The following TNRC6B variants were observed in gnomAD, a reference collection of about 807,000 sequenced individuals.
TNRC6B encodes trinucleotide repeat containing adaptor 6B.
A neutral mutation model predicts 203.6 loss-of-function variants in TNRC6B; 52 were observed. That is an observed-to-expected ratio of 0.26 (90% confidence interval 0.20 to 0.32). The LOEUF (loss-of-function observed/expected upper bound fraction) is 0.32. TNRC6B is among the 10% of genes least tolerant of loss of function. The pLI, the probability that TNRC6B is intolerant of heterozygous loss-of-function variation, is 1.00. For synonymous variants in TNRC6B, 838 were observed against 845.7 expected, an observed-to-expected ratio of 0.99 and a Z score of 0.16; for missense variants, 1,923 against 2,286.2, an observed-to-expected ratio of 0.84 and a Z score of 3.24.
At chr22:40,170,844 T>C (rs1279835414) in intron 4 of TNRC6B, among the ~76,000 whole-genome samples, 13 of 106,142 alleles carry the variant, frequency 1.2e-4, no homozygotes, top group Non-Finnish European at 2.0e-4. Flanking sequence ...TATATGTACA[T>C]ATATGTGTGT....
intron 1 of TNRC6B, among the ~76,000 whole-genome samples, chr22:40,179,789 G>A (rs560254710): frequency 2.0e-5 from 3 of 152,308 alleles, no homozygotes; most frequent in South Asian, 2.1e-4. Flanking sequence ...AAATGGATTG[G>A]CCTCTTGTGC....
At chr22:40,245,980 A>T in intron 1 of TNRC6B, 35 bp from the exon 2 acceptor site, 1 of 1,485,866 alleles carries the variant, frequency 6.7e-7, no homozygotes, top group East Asian at 2.5e-5. Context: ...GTGAATGTAG[A>T]TGTATAACCT....
At chr22:40,174,975 A>G (rs1356145143), upstream of TNRC6B, among the ~76,000 whole-genome samples, 1 of 152,178 alleles carries the variant, frequency 6.6e-6, no homozygotes, top group African/African-American at 2.4e-5. Flanking sequence ...TAATGTATTT[A>G]TTGCACTTGT....
intron 1 of TNRC6B, among the ~76,000 whole-genome samples, chr22:40,201,165 T>G (rs527277793): frequency 1.3e-5 from 2 of 152,304 alleles, no homozygotes; most frequent in Admixed American, 6.5e-5. Context: ...AATTGCCTTG[T>G]ATACATTTTT....
rs1028401542 is a variant in TNRC6B at position 40,266,222 on chromosome 22, G to A, written c.1992G>A (p.Gly664=). 1.2e-6 allele frequency: 2 copies of A among 1,607,422 alleles called. No individual in the cohort carries two copies. Among genetic ancestry groups the A allele is most frequent in the Non-Finnish European group, 1.7e-6 (2 of 1,176,646 alleles). Residue 664 remains glycine, a synonymous_variant, in exon 5 of 23, where the codon GGG becomes GGA. Transcript: ENST00000454349. ...CTGCCACACAGACCAAGAACTCAGG[G>A]GGCTGGGGAGATGCACCCAGCCAAA... ...ESAATQTKNS[G]GWGDAPSQSN... is the part of the protein sequence containing the mutation.
At chr22:40,154,061 A>G (rs2068787146) in intron 3 of TNRC6B, among the ~76,000 whole-genome samples, 3 of 151,838 alleles carry the variant, frequency 2.0e-5, no homozygotes, top group African/African-American at 7.3e-5. Context: ...ATAGAGCGCT[A>G]CAGTCTTGAA....
At chr22:40,166,037 T>C (rs1270760683) in intron 4 of TNRC6B, among the ~76,000 whole-genome samples, 6 of 152,298 alleles carry the variant, frequency 3.9e-5, no homozygotes, top group African/African-American at 1.2e-4. Context: ...CCTTTTCTTC[T>C]AAGGACCTCC....
At chr22:40,299,178 A>T (rs2070989134) in intron 12 of TNRC6B, among the ~76,000 whole-genome samples, 2 of 151,630 alleles carry the variant, frequency 1.3e-5, no homozygotes, top group African/African-American at 2.4e-5. Context: ...AAAAAAACAA[A>T]ACTGGGGAGG....
In TNRC6B at chr22:40,328,373, G is replaced by A. The variant is rs1484215892; in HGVS notation, c.*5132G>A. 1 of 152,132 alleles carries A rather than the reference G, an allele frequency of 6.6e-6. No homozygotes were observed. Among genetic ancestry groups the A allele is most frequent in the Admixed American group, 6.5e-5 (1 of 15,278 alleles). The allele number at this position is 152,132 out of a possible 1,614,324, so 9.4% of individuals were successfully genotyped here. A position where few individuals can be genotyped will look rare whatever the true frequency, so the allele number is the denominator to read the frequency against. On this transcript the variant is annotated 3_prime_UTR_variant, in exon 23 of 23. Coordinates refer to ENST00000454349, the MANE Select transcript of TNRC6B (RefSeq NM_001162501.2). ...CAATCGGTTCTTCCAAACTCCTGTG[G>A]GTTGAATATGGTATAGAAGGTATGC...
chr22:40,168,023 C>T lies in TNRC6B; in HGVS notation c.113+11841C>T, dbSNP rs533867417. 7.9e-4 allele frequency among the ~76,000 whole-genome samples: 120 copies of T among 152,296 alleles called. 1 individual carries two copies. The highest frequency in any genetic ancestry group is 2.6e-3 in the African/African-American group (108 of 41,560). ...CAAATCTGTTTCAACCATTCTGGTC[C>T]TATCTATCTGTTGAAACCCAACTGA... is the stretch of plus-strand genomic sequence containing the variant. On this transcript the variant is annotated intron_variant, in intron 4 of 23. Coordinates refer to the TNRC6B transcript ENST00000301923.
At chr22:40,147,416 C>T (rs2068705163) in intron 3 of TNRC6B, among the ~76,000 whole-genome samples, 1 of 152,158 alleles carries the variant, frequency 6.6e-6, no homozygotes, top group Non-Finnish European at 1.5e-5. Context: ...GCTGCTATAA[C>T]AAAATACCAC....
At chr22:40,139,001 C>T (rs180849068) in intron 3 of TNRC6B, among the ~76,000 whole-genome samples, 3 of 152,156 alleles carry the variant, frequency 2.0e-5, no homozygotes, top group Non-Finnish European at 4.4e-5. Flanking sequence ...CAATGGTTTT[C>T]AGTGTATTCA....
chr22:40,310,020 G>A (rs2071152305), intron 16 of TNRC6B, among the ~76,000 whole-genome samples: 1 of 152,138 alleles, frequency 6.6e-6, no homozygotes, highest in South Asian at 2.1e-4. Flanking sequence ...TAAGTAGACT[G>A]GTATCTCACT....
chr22:40,321,701 G>A (rs770169640), intron 22 of TNRC6B: 2 of 157,786 alleles, frequency 1.3e-5, no homozygotes, highest in East Asian at 1.8e-4. Flanking sequence ...CAGGGGAATC[G>A]CTTGAACCTG....
intron 1 of TNRC6B, among the ~76,000 whole-genome samples, chr22:40,240,185 T>A (rs1464527430): frequency 6.6e-6 from 1 of 152,210 alleles, no homozygotes; most frequent in Non-Finnish European, 1.5e-5. Flanking sequence ...TCTCTACTAT[T>A]ATTGTAAAAA....
intron 1 of TNRC6B, among the ~76,000 whole-genome samples, chr22:40,109,402 A>G (rs577353327): frequency 2.6e-5 from 4 of 152,310 alleles, no homozygotes; most frequent in East Asian, 1.9e-4. Flanking sequence ...TCCCACCAAC[A>G]GCGTAAAAGC....
chr22:40,270,315 T>A, intron 6 of TNRC6B, 35 bp downstream of exon 6: 2 of 459,280 alleles, frequency 4.4e-6, no homozygotes. Context: ...GAGGGATCCT[T>A]TTTTTTTTTT....
chr22:40,294,278 A>G (rs573461797), intron 12 of TNRC6B, among the ~76,000 whole-genome samples: 3 of 151,932 alleles, frequency 2.0e-5, no homozygotes, highest in Admixed American at 6.6e-5. Context: ...CAATCAGTCA[A>G]TCAATCAATC....
intron 1 of TNRC6B, among the ~76,000 whole-genome samples, chr22:40,216,505 G>A (rs2069637111): frequency 6.6e-6 from 1 of 152,130 alleles, no homozygotes; most frequent in Non-Finnish European, 1.5e-5. Context: ...TGGTGAATCA[G>A]TTTTTACCAT....
Sources: gnomAD v4.1 joint callset for allele counts (sites outside exome capture counted in the v4.1 genomes callset) on GRCh38, gnomAD v4.1.1 for gene constraint, MANE v1.5 for transcripts, NCBI Gene and HGNC (gene_info 2026-07-23, HGNC 2026-07-21) for gene names.